The following KIAA0232 variants were observed in gnomAD, a reference collection of about 807,000 sequenced individuals.
The protein encoded by KIAA0232 is uncharacterized protein KIAA0232.
In KIAA0232, 27 loss-of-function variants were observed where a neutral mutation model predicts 122.0. The ratio of observed to expected loss-of-function variants is 0.22; its 90% CI spans 0.16 to 0.31. The LOEUF (loss-of-function observed/expected upper bound fraction) is 0.31. KIAA0232 is among the 10% of genes least tolerant of loss of function. The pLI is 1.00. For synonymous variants in KIAA0232, 613 were observed against 587.6 expected, an observed-to-expected ratio of 1.04 and a Z score of -0.63; for missense variants, 1,551 against 1,634.2, an observed-to-expected ratio of 0.95 and a Z score of 0.88.
chr4:6,811,747 ATTTTTTTTTTT>A (rs10709832), intron 2 of KIAA0232, among the ~76,000 whole-genome samples: 2 of 103,930 alleles, frequency 1.9e-5, no homozygotes, highest in Admixed American at 1.0e-4. Context: ...GCCTGGCCTA[ATTTTTTTTTTT>A]TTTTTTTTTT....
intron 2 of KIAA0232, among the ~76,000 whole-genome samples, chr4:6,814,802 C>A (rs1392637978): frequency 1.3e-5 from 2 of 152,104 alleles, no homozygotes; most frequent in Non-Finnish European, 2.9e-5. Context: ...CATCCTACCT[C>A]CGTGAATTAA....
chr4:6,802,759 T>C (rs1717442739), intron 1 of KIAA0232, among the ~76,000 whole-genome samples: 1 of 151,928 alleles, frequency 6.6e-6, no homozygotes, highest in South Asian at 2.1e-4. Flanking sequence ...CAAGGTGTGG[T>C]ATGTTGGTGA....
At chr4:6,799,852 TCC>T (rs1196658417) in intron 1 of KIAA0232, among the ~76,000 whole-genome samples, 1 of 147,878 alleles carries the variant, frequency 6.8e-6, no homozygotes, top group African/African-American at 2.5e-5. Context: ...CCGCCACCAC[TCC>T]CGGCTAATTT....
intron 4 of KIAA0232, among the ~76,000 whole-genome samples, chr4:6,856,434 A>G (rs1190268069): frequency 6.6e-6 from 1 of 152,154 alleles, no homozygotes; most frequent in Non-Finnish European, 1.5e-5. Context: ...AAGTCTACTA[A>G]TGAAAGATTA....
intron 1 of KIAA0232, among the ~76,000 whole-genome samples, chr4:6,797,944 G>A (rs1717207291): frequency 6.6e-6 from 1 of 151,724 alleles, no homozygotes; most frequent in Non-Finnish European, 1.5e-5. Context: ...TGTAGTCCCA[G>A]CTACTTGGGA....
intron 9 of KIAA0232, among the ~76,000 whole-genome samples, 189 bp downstream of exon 9, chr4:6,876,946 C>T (rs563534940): frequency 1.2e-3 from 179 of 152,326 alleles, no homozygotes; most frequent in African/African-American, 4.1e-3. Context: ...CGCTTCCAAA[C>T]CCCCTTGACT....
chr4:6,822,979 C>G (rs1353175157), intron 2 of KIAA0232, among the ~76,000 whole-genome samples: 1 of 142,680 alleles, frequency 7.0e-6, no homozygotes, highest in Non-Finnish European at 1.5e-5. Flanking sequence ...CTTCCTGTGT[C>G]CATGTGTTCT....
intron 3 of KIAA0232, among the ~76,000 whole-genome samples, chr4:6,833,616 G>A (rs752619275): frequency 6.4e-4 from 97 of 151,932 alleles, no homozygotes; most frequent in Non-Finnish European, 1.2e-3. Context: ...AGGCAACAGA[G>A]TGAGACTGCA....
chr4:6,836,089 T>C (rs191441880), intron 3 of KIAA0232, among the ~76,000 whole-genome samples: 18 of 152,356 alleles, frequency 1.2e-4, no homozygotes, highest in Admixed American at 1.0e-3. Flanking sequence ...CCACCAATAG[T>C]GTAGAAGCGT....
chr4:6,877,478 G>GTA (rs550637650), intron 9 of KIAA0232, among the ~76,000 whole-genome samples: 48 of 152,174 alleles, frequency 3.2e-4, no homozygotes, highest in African/African-American at 1.1e-3. Flanking sequence ...AATGGAATAG[G>GTA]TATATATATA....
intron 2 of KIAA0232, among the ~76,000 whole-genome samples, chr4:6,820,231 A>C (rs998920622): frequency 1.3e-5 from 2 of 152,164 alleles, no homozygotes; most frequent in Admixed American, 1.3e-4. Context: ...AAACTTGCAC[A>C]CGTACCCCCT....
intron 1 of KIAA0232, among the ~76,000 whole-genome samples, chr4:6,784,663 T>C (rs1716535976): frequency 6.6e-6 from 1 of 152,232 alleles, no homozygotes; most frequent in Non-Finnish European, 1.5e-5. Context: ...AAATAATGCA[T>C]TTTTAATCAT....
In KIAA0232 at chr4:6,863,510, A is replaced by G. The variant is rs1577409470; in HGVS notation, c.3128A>G (p.Asp1043Gly). 1.2e-6 allele frequency: 2 copies of G among 1,614,168 alleles called. No individual in the cohort carries two copies. Among genetic ancestry groups the G allele is most frequent in the East Asian group, 4.5e-5 (2 of 44,888 alleles). ...CTTGAATACTCATTTTCTTCCTTTG[A>G]CTTAAGCAATCCATTTTCACAAGTT... Reference protein sequence around the residue: ...PGLEYSFSSFDLSNPFSQVLH... With the variant: ...PGLEYSFSSFGLSNPFSQVLH... The change falls in exon 7 of 10, where the codon GAC (aspartate) becomes GGC (glycine). Residue 1043 changes from aspartate (D) to glycine (G), a missense_variant. By Grantham distance (94) the Asp-to-Gly change is moderately conservative. This residue lies in a region of KIAA0232 where 1,108 missense variants were observed against 1,154.8 expected (regional missense o/e 0.96). Coordinates refer to ENST00000307659, the MANE Select transcript of KIAA0232 (RefSeq NM_014743.3).
At chr4:6,806,255 T>C (rs1717609801) in intron 2 of KIAA0232, among the ~76,000 whole-genome samples, 1 of 152,340 alleles carries the variant, frequency 6.6e-6, no homozygotes, top group Non-Finnish European at 1.5e-5. Flanking sequence ...CATTGGTTAT[T>C]ATAATTTGAT....
intron 3 of KIAA0232, among the ~76,000 whole-genome samples, chr4:6,825,695 A>C (rs1030894661): frequency 1.3e-5 from 2 of 152,142 alleles, no homozygotes; most frequent in African/African-American, 4.8e-5. Flanking sequence ...GCCAGAGGGA[A>C]CCAGAGTCAT....
intron 7 of KIAA0232, 146 bp downstream of exon 7, chr4:6,864,329 G>T: frequency 4.4e-6 from 4 of 899,972 alleles, no homozygotes; most frequent in Non-Finnish European, 6.5e-6. Flanking sequence ...AATTTTACAT[G>T]TAAGGACTTA....
chr4:6,802,737 T>G (rs1291862878), intron 1 of KIAA0232, among the ~76,000 whole-genome samples: 1 of 152,128 alleles, frequency 6.6e-6, no homozygotes, highest in South Asian at 2.1e-4. Flanking sequence ...GAGTGGTGAT[T>G]CAGGTATAGA....
At chr4:6,807,382 C>A (rs1479782675) in intron 2 of KIAA0232, among the ~76,000 whole-genome samples, 9 of 152,138 alleles carry the variant, frequency 5.9e-5, no homozygotes, top group Non-Finnish European at 1.2e-4. Context: ...TATATACTTA[C>A]GTGTTTATTT....
intron 3 of KIAA0232, among the ~76,000 whole-genome samples, chr4:6,831,513 C>T (rs1014359944): frequency 6.6e-6 from 1 of 152,142 alleles, no homozygotes; most frequent in African/African-American, 2.4e-5. Flanking sequence ...CTAACTGTTC[C>T]ATATAGAGAA....
Sources: allele counts gnomAD v4.1 joint callset (sites outside exome capture counted in the v4.1 genomes callset), GRCh38; gene constraint gnomAD v4.1.1; regional missense constraint gnomAD v4.1.1; transcripts MANE v1.5; gene names NCBI Gene and HGNC (gene_info 2026-07-23, HGNC 2026-07-21).